MTCL2: variants seen among roughly 807,000 people sequenced by gnomAD.
MTCL2 encodes microtubule crosslinking factor 2.
At chr20:36,815,929 A>G in the MTCL2 span, 24 of 1,611,430 alleles carry the variant, frequency 1.5e-5, no homozygotes, top group Non-Finnish European at 8.5e-7. The surrounding 1 kb of genome is among the most constrained non-coding windows in gnomAD (Gnocchi z 5.3). Context: ...CTCTCCCCGC[A>G]CTCTCCGCCA....
At chr20:36,787,373 G>A in the MTCL2 span, among the ~76,000 whole-genome samples, 2 of 151,862 alleles carry the variant, frequency 1.3e-5, no homozygotes, top group Non-Finnish European at 2.9e-5. Context: ...GATTACAAGC[G>A]TGTGCCACCA....
chr20:36,804,955 G>A, the MTCL2 span: 1 of 1,585,008 alleles, frequency 6.3e-7, no homozygotes, highest in Non-Finnish European at 8.6e-7. Flanking sequence ...GTAGGGAGGG[G>A]AACCTGGGTT....
chr20:36,837,262 G>T, the MTCL2 span, among the ~76,000 whole-genome samples: 1 of 152,174 alleles, frequency 6.6e-6, no homozygotes, highest in African/African-American at 2.4e-5. Flanking sequence ...GCCGGGCCTG[G>T]GGGCCCTGGA....
chr20:36,849,392 A>G, the MTCL2 span, among the ~76,000 whole-genome samples: 1 of 152,034 alleles, frequency 6.6e-6, no homozygotes, highest in East Asian at 1.9e-4. Flanking sequence ...TTGAAATGAA[A>G]TACAGGCGGG....
At chr20:36,815,647 A>C in the MTCL2 span, 6 of 1,607,540 alleles carry the variant, frequency 3.7e-6, no homozygotes, top group Non-Finnish European at 5.1e-6. This position sits in a 1 kb window ranked among gnomAD's most constrained non-coding sequence, Gnocchi z 5.3. Context: ...TGGAGGTTGG[A>C]GAGGAGCACG....
the MTCL2 span, among the ~76,000 whole-genome samples, chr20:36,790,428 CTTT>C: frequency 4.9e-5 from 5 of 101,120 alleles, no homozygotes; most frequent in Admixed American, 1.1e-4. Flanking sequence ...ACGCCTGGCC[CTTT>C]TTTTTTTTTT....
the MTCL2 span, among the ~76,000 whole-genome samples, chr20:36,797,897 G>A: frequency 6.6e-6 from 1 of 152,136 alleles, no homozygotes; most frequent in Non-Finnish European, 1.5e-5. Context: ...CCATCAGAGT[G>A]GCAAATGTAA....
chr20:36,798,543 G>A, the MTCL2 span, among the ~76,000 whole-genome samples: 1 of 152,190 alleles, frequency 6.6e-6, no homozygotes, highest in African/African-American at 2.4e-5. Context: ...TGACACTACA[G>A]CCTTCTCTGG....
chr20:36,812,920 C>T, the MTCL2 span: 4 of 1,515,340 alleles, frequency 2.6e-6, no homozygotes, highest in Admixed American at 2.0e-5. Context: ...GAAACACCCA[C>T]CCCAGGCCTC....
chr20:36,807,104 C>T, the MTCL2 span, among the ~76,000 whole-genome samples: 2 of 152,142 alleles, frequency 1.3e-5, no homozygotes, highest in Admixed American at 6.5e-5. Flanking sequence ...CTCCCAGGGG[C>T]GGCCCTGTGT....
At chr20:36,794,296 G>C in the MTCL2 span, 9,917 of 1,555,666 alleles carry the variant, frequency 6.4e-3, 588 homozygotes, top group African/African-American at 0.12. This position sits in a 1 kb window ranked among gnomAD's most constrained non-coding sequence, Gnocchi z 5.4. Context: ...CAGGGACTCC[G>C]AGGCGCCGGG....
At chr20:36,839,346 C>T in the MTCL2 span, 3 of 1,612,948 alleles carry the variant, frequency 1.9e-6, no homozygotes, top group South Asian at 1.1e-5. This position sits in a 1 kb window ranked among gnomAD's most constrained non-coding sequence, Gnocchi z 5.1. Flanking sequence ...TGGCCTGGTC[C>T]AGCTGCTGTC....
the MTCL2 span, among the ~76,000 whole-genome samples, chr20:36,842,718 C>T: frequency 6.6e-6 from 1 of 152,056 alleles, no homozygotes; most frequent in Non-Finnish European, 1.5e-5. Flanking sequence ...GTTGCAGTGA[C>T]CCAAGATCAT....
chr20:36,791,048 G>T, the MTCL2 span, among the ~76,000 whole-genome samples: 716 of 146,876 alleles, frequency 4.9e-3, 8 homozygotes, highest in African/African-American at 0.017. Flanking sequence ...TTTTTTTTTT[G>T]TGTGGAGATG....
chr20:36,858,536 G>A, the MTCL2 span, among the ~76,000 whole-genome samples: 3 of 144,562 alleles, frequency 2.1e-5, no homozygotes, highest in East Asian at 4.2e-4. Flanking sequence ...CAGGGAAGGT[G>A]ATCACACCTT....
chr20:36,788,465 C>T, the MTCL2 span, among the ~76,000 whole-genome samples: 43 of 152,116 alleles, frequency 2.8e-4, no homozygotes, highest in East Asian at 4.9e-3. Flanking sequence ...TCTGAAACCC[C>T]GTCTCTACTA....
the MTCL2 span, among the ~76,000 whole-genome samples, chr20:36,857,422 G>A: frequency 1.3e-5 from 2 of 152,110 alleles, no homozygotes; most frequent in African/African-American, 4.8e-5. Context: ...TCTGTCTGGA[G>A]GCGTGCTTCT....
At chr20:36,842,806 G>C in the MTCL2 span, among the ~76,000 whole-genome samples, 29 of 152,202 alleles carry the variant, frequency 1.9e-4, no homozygotes, top group African/African-American at 5.8e-4. Flanking sequence ...GAGTCACCAG[G>C]GATGAATGAC....
chr20:36,792,744 C>T, the MTCL2 span, among the ~76,000 whole-genome samples: 488 of 152,232 alleles, frequency 3.2e-3, 5 homozygotes, highest in African/African-American at 0.011. Context: ...TGTTCCAGGT[C>T]TGGGACCTTC....
Sources: allele counts gnomAD v4.1 joint callset (sites outside exome capture counted in the v4.1 genomes callset), GRCh38; gene constraint gnomAD v4.1.1; non-coding constraint Gnocchi (gnomAD v3.1); transcripts MANE v1.5; gene names NCBI Gene and HGNC (gene_info 2026-07-23, HGNC 2026-07-21).